Variants in KLF7 observed in about 807,000 individuals in gnomAD.
The protein encoded by KLF7 is Krueppel-like factor 7.
KLF7 carries 2 observed loss-of-function variants against 27.3 expected under a neutral mutation model. The observed-to-expected ratio is 0.07, with a 90% CI of 0.03 to 0.23. The LOEUF (loss-of-function observed/expected upper bound fraction) is 0.23. Ranked by LOEUF, KLF7 falls within the 10% of genes least tolerant of loss-of-function variation. The pLI is 1.00. For missense variants in KLF7, 221 were observed against 394.1 expected (o/e 0.56, Z 3.72); for synonymous variants, 165 against 162.4 (o/e 1.02, Z -0.12).
At chr2:207,100,640 C>A (rs979184512) in intron 2 of KLF7, among the ~76,000 whole-genome samples, 12 of 152,208 alleles carry the variant, frequency 7.9e-5, no homozygotes, top group Non-Finnish European at 1.5e-4. Flanking sequence ...TGGGATGTCC[C>A]CTGCTCAGAA....
rs1427825037 is a variant in KLF7, at chr2:207,150,999, A to T, written c.102+14468T>A. ...AGTGTAAGACCTGTTCTCTTTATTA[A>T]AAAAAAAAAAAAAAAAAGGAAGAAA... On this transcript the variant is annotated intron_variant, in intron 1 of 3. Transcript: ENST00000309446. 5.5e-5 allele frequency among the ~76,000 whole-genome samples: 8 copies of T among 145,394 alleles called. 1 individual carries two copies. Among genetic ancestry groups the T allele is most frequent in the African/African-American group, 2.1e-4 (8 of 37,956 alleles).
At chr2:207,087,272 T>C (rs933019920) in intron 3 of KLF7, among the ~76,000 whole-genome samples, 1 of 151,854 alleles carries the variant, frequency 6.6e-6, no homozygotes, top group Non-Finnish European at 1.5e-5. Context: ...ATTTAGTACT[T>C]AGAGAATGAA....
At chr2:207,082,882 A>AC (rs2076306130) in intron 3 of KLF7, among the ~76,000 whole-genome samples, 1 of 152,132 alleles carries the variant, frequency 6.6e-6, no homozygotes, top group South Asian at 2.1e-4. Flanking sequence ...CATTCTCCAC[A>AC]CCCCCTGTTT....
At chr2:207,127,618 G>A (rs962464161) in intron 1 of KLF7, among the ~76,000 whole-genome samples, 1 of 152,132 alleles carries the variant, frequency 6.6e-6, no homozygotes, top group Non-Finnish European at 1.5e-5. Context: ...GAGGCAGATG[G>A]ATCAATTGAG....
intron 2 of KLF7, among the ~76,000 whole-genome samples, chr2:207,096,156 T>TA (rs755093803): frequency 1.1e-4 from 16 of 152,272 alleles, no homozygotes; most frequent in South Asian, 4.2e-4. Context: ...CTCAAAATCT[T>TA]AGAGTTATTT....
upstream of KLF7, among the ~76,000 whole-genome samples, chr2:207,170,806 T>C (rs2078779531): frequency 1.3e-5 from 2 of 152,062 alleles, no homozygotes; most frequent in South Asian, 4.1e-4. Flanking sequence ...ATGTTACTGC[T>C]CATTGACAAT....
At chr2:207,118,291 C>T (rs2105966034) in intron 2 of KLF7, among the ~76,000 whole-genome samples, 1 of 152,264 alleles carries the variant, frequency 6.6e-6, no homozygotes, top group South Asian at 2.1e-4. Flanking sequence ...AAAATAGTAA[C>T]AACCATAAAA....
rs989971697 is a variant in KLF7 at position 207,109,017 on chromosome 2, T to C, written c.733+14757A>G. On this transcript the variant is annotated intron_variant, in intron 2 of 3. Coordinates refer to ENST00000309446, the MANE Select transcript of KLF7 (RefSeq NM_003709.4). ...CCATTTGGGTTTTCCAGCTTAGTAA[T>C]AAAGAGGATTGCTAAGATGCATTCT... Among the ~76,000 whole-genome samples, 3 of 152,174 alleles carry C rather than the reference T, an allele frequency of 2.0e-5. No individual in the cohort carries two copies. The South Asian group carries it at 6.2e-4, about 32-fold the overall frequency.
intron 1 of KLF7, among the ~76,000 whole-genome samples, chr2:207,137,588 A>G (rs1024938444): frequency 6.6e-6 from 1 of 152,204 alleles, no homozygotes; most frequent in East Asian, 1.9e-4. Context: ...CCAAAATCCA[A>G]TTAAGAGGGT....
At chr2:207,084,574 C>T (rs137862743) in intron 3 of KLF7, among the ~76,000 whole-genome samples, 682 of 152,186 alleles carry the variant, frequency 4.5e-3, no homozygotes, top group Middle Eastern at 0.01. Flanking sequence ...TAGACCAGGT[C>T]CCTTACTATT....
intron 1 of KLF7, among the ~76,000 whole-genome samples, chr2:207,140,260 A>T (rs2077903885): frequency 6.6e-6 from 1 of 152,310 alleles, no homozygotes; most frequent in African/African-American, 2.4e-5. Flanking sequence ...TTATTTGATT[A>T]ATACCAAATA....
upstream of KLF7, chr2:207,167,134 G>A: frequency 6.9e-7 from 1 of 1,440,622 alleles, no homozygotes; most frequent in East Asian, 2.9e-5. Flanking sequence ...ACGTGATGAG[G>A]CTCACCATGG....
At chr2:207,117,285 T>C (rs2077212091) in intron 2 of KLF7, among the ~76,000 whole-genome samples, 3 of 152,232 alleles carry the variant, frequency 2.0e-5, no homozygotes, top group African/African-American at 7.2e-5. Context: ...ATTGCTAAAT[T>C]ACCATGTGGT....
intron 2 of KLF7, among the ~76,000 whole-genome samples, chr2:207,090,421 T>C (rs1181069943): frequency 6.6e-6 from 1 of 152,200 alleles, no homozygotes; most frequent in Non-Finnish European, 1.5e-5. Context: ...CTCAGTGTAT[T>C]TGTCTGTTAA....
At chr2:207,090,807 G>A (rs1463863826) in intron 2 of KLF7, among the ~76,000 whole-genome samples, 1 of 152,130 alleles carries the variant, frequency 6.6e-6, no homozygotes, top group Non-Finnish European at 1.5e-5. Context: ...CACCCTGCAG[G>A]AGAGACATGT....
intron 2 of KLF7, chr2:207,109,914 A>G (rs1373203788): frequency 6.5e-6 from 1 of 154,852 alleles, no homozygotes; most frequent in Non-Finnish European, 1.5e-5. Flanking sequence ...GGCAAGGGAT[A>G]AGCTAATACA....
chr2:207,096,281 T>C (rs1001221328), intron 2 of KLF7, among the ~76,000 whole-genome samples: 4 of 152,226 alleles, frequency 2.6e-5, no homozygotes, highest in African/African-American at 9.6e-5. Context: ...ACCAACCTTG[T>C]CGTGTACAAG....
intron 2 of KLF7, among the ~76,000 whole-genome samples, chr2:207,123,094 T>C (rs2077382950): frequency 6.6e-6 from 1 of 152,110 alleles, no homozygotes; most frequent in Non-Finnish European, 1.5e-5. Context: ...GCTACTAGGA[T>C]GCCCTGAGTA....
chr2:207,158,659 C>T (rs1363810693), intron 1 of KLF7, among the ~76,000 whole-genome samples: 1 of 152,052 alleles, frequency 6.6e-6, no homozygotes, highest in Non-Finnish European at 1.5e-5. Context: ...GCTATTTTTT[C>T]GGTACAGTGT....
Sources: allele counts gnomAD v4.1 joint callset (sites outside exome capture counted in the v4.1 genomes callset), GRCh38; gene constraint gnomAD v4.1.1; transcripts MANE v1.5; gene names NCBI Gene and HGNC (gene_info 2026-07-23, HGNC 2026-07-21).